Variants in ASMT observed in about 807,000 individuals in gnomAD.
ASMT encodes acetylserotonin N-methyltransferase.
ASMT carries 53 observed loss-of-function variants against 41.3 expected under a neutral mutation model. The ratio of observed to expected loss-of-function variants is 1.28; its 90% confidence interval spans 1.03 to 1.61. The LOEUF is 1.61. Among genes scored for constraint, ASMT ranks in the 40% most tolerant of loss-of-function variants. ASMT has a pLI of 0.00. For missense variants in ASMT, 531 were observed against 441.3 expected (o/e 1.20, Z -1.82); for synonymous variants, 231 against 184.8 (o/e 1.25, Z -2.03).
intron 8 of ASMT, among the ~76,000 whole-genome samples, chrX:1,636,874 C>T (rs1285802810): frequency 6.6e-6 from 1 of 152,228 alleles, no homozygotes; most frequent in African/African-American, 2.4e-5. Flanking sequence ...TTCTGAGGTC[C>T]ACCCATCCTG....
intron 8 of ASMT, 121 bp downstream of exon 8, chrX:1,636,681 A>G: frequency 2.0e-6 from 3 of 1,471,254 alleles, no homozygotes; most frequent in Non-Finnish European, 2.8e-6. Context: ...CCTGCCCAAT[A>G]TGGCTTTCCT....
At chrX:1,625,749 T>C (rs1292146744) in intron 3 of ASMT, among the ~76,000 whole-genome samples, 1 of 150,892 alleles carries the variant, frequency 6.6e-6, no homozygotes, top group African/African-American at 2.4e-5. Flanking sequence ...GGTCAGGAGA[T>C]CGAGACCATC....
intron 8 of ASMT, among the ~76,000 whole-genome samples, chrX:1,638,595 G>A (rs1285560410): frequency 7.9e-4 from 1 of 1,264 alleles, no homozygotes; most frequent in Non-Finnish European, 1.5e-3. Context: ...CTCCTGTGAG[G>A]TCCACCCATC....
At chrX:1,628,725 C>G (rs1264102602) in intron 4 of ASMT, among the ~76,000 whole-genome samples, 1 of 151,032 alleles carries the variant, frequency 6.6e-6, no homozygotes, top group East Asian at 1.9e-4. Flanking sequence ...CCCCTCCTCT[C>G]TCCCATCTTC....
In ASMT at chrX:1,627,701, A is replaced by G. The variant is rs1569376108; in HGVS notation, c.375-2A>G. On this transcript the variant is annotated splice_acceptor_variant, in intron 3 of 8. Transcript: ENST00000381241. LOFTEE classifies it high-confidence loss of function. The stretch of plus-strand genomic sequence containing the variant: ...AAATCAGCCTTCTCTCTCTTTTCTT[A>G]GAGAAGGAAGGAACCAGTACCTGGA... 1.9e-6 allele frequency: 3 copies of G among 1,612,872 alleles called. No individual in the cohort carries two copies. Among genetic ancestry groups the G allele is most frequent in the Non-Finnish European group, 2.5e-6 (3 of 1,178,884 alleles).
intron 3 of ASMT, among the ~76,000 whole-genome samples, chrX:1,626,952 C>A (rs1379531893): frequency 1.3e-5 from 2 of 150,270 alleles, no homozygotes; most frequent in African/African-American, 4.9e-5. Flanking sequence ...TCGCTTGAAC[C>A]GAGGAGGTGG....
Position 1,615,223 on chromosome X carries a change from C to G in ASMT, c.24C>G (p.Ala8=), listed in dbSNP as rs772122784. The G allele has an allele frequency of 3.2e-5, 51 of 1,598,142 alleles. 1 individual carries two copies. In the East Asian group the frequency reaches 5.0e-4, roughly 16 times the overall value. The change falls in exon 1 of 9, where the codon GCC becomes GCG. Residue 8 remains alanine, a synonymous_variant. Transcript: ENST00000381241. ...AGATGGGATCCTCAGAGGACCAGGC[C>G]TATCGCCTCCTTAATGACTACGCCA... The part of the protein sequence containing the change: MGSSEDQ[A]YRLLNDYANG...
chrX:1,637,164 A>G (rs563738086), intron 8 of ASMT, among the ~76,000 whole-genome samples: 2,076 of 59,988 alleles, frequency 0.035, 85 homozygotes, highest in Middle Eastern at 0.11. Context: ...GCCTCTGTGT[A>G]TGATGGGGAC....
At chrX:1,619,908 G>C (rs1287992033) in intron 1 of ASMT, among the ~76,000 whole-genome samples, 3 of 150,856 alleles carry the variant, frequency 2.0e-5, no homozygotes, top group African/African-American at 7.3e-5. Context: ...TGGCTAACAC[G>C]GTGAAACCCC....
At position 1,623,180 on chromosome X, in the gene ASMT, C is replaced by T. The variant is rs746504726; in HGVS notation, c.111C>T (p.Leu37=). 4.3e-6 allele frequency: 7 copies of T among 1,613,054 alleles called. No homozygotes were observed. Among genetic ancestry groups the T allele is most frequent in the Admixed American group, 3.3e-5 (2 of 59,980 alleles). Residue 37 remains leucine (L), a synonymous_variant, in exon 2 of 9, where the codon CTC becomes CTT. Transcript: ENST00000381241. The part of the protein sequence containing the change: ...AACELGVFDL[L]AEAPGPLDVA... ...GCGAGCTGGGCGTGTTTGACCTTCT[C>T]GCCGAGGCCCCAGGGCCCCTGGACG... is the stretch of plus-strand genomic sequence containing the variant.
intron 5 of ASMT, among the ~76,000 whole-genome samples, chrX:1,631,199 C>T (rs6644782): frequency 6.6e-6 from 1 of 151,724 alleles, no homozygotes; most frequent in Admixed American, 6.6e-5. Context: ...CAGGCATGAG[C>T]CACTGCGCCG....
chrX:1,633,302 TC>T lies in ASMT; in HGVS notation c.787+14del, dbSNP rs1330104289. 1 of 1,613,858 alleles carries T rather than the reference TC, an allele frequency of 6.2e-7. No homozygotes were observed. The highest frequency in any genetic ancestry group is 2.2e-5 in the East Asian group (1 of 44,872). ...TGACTTCCAGGAAGGTGTGTTTGTG[TC>T]CGTGGGGAAGCAGAGATGTGTCTCA... On this transcript the variant is annotated intron_variant, in intron 7 of 8. Coordinates refer to ENST00000381241, the MANE Select transcript of ASMT (RefSeq NM_001171038.2).
Position 1,615,192 on chromosome X carries a change from G to C in ASMT, c.-8G>C. The C allele has an allele frequency of 6.3e-7, 1 of 1,588,772 alleles. No individual in the cohort carries two copies. The highest frequency in any genetic ancestry group is 8.6e-7 in the Non-Finnish European group (1 of 1,167,858). On this transcript the variant is annotated 5_prime_UTR_variant, in exon 1 of 9. Coordinates refer to ENST00000381241, the MANE Select transcript of ASMT (RefSeq NM_001171038.2). Reference sequence around the variant, plus strand: ...GGCTCCGGAAGCCACGGCTGGATTGGAGACAAGATGGGATCCTCAGAGGAC... The same window carrying C: ...GGCTCCGGAAGCCACGGCTGGATTGCAGACAAGATGGGATCCTCAGAGGAC...
At chrX:1,627,633 C>CGAAACGAAATGAAAT in intron 3 of ASMT, 70 bp from the exon 4 acceptor site, 1 of 1,198,966 alleles carries the variant, frequency 8.3e-7, no homozygotes, top group Non-Finnish European at 1.2e-6. Context: ...CGAAATGAAA[C>CGAAACGAAATGAAAT]GAAATGAAAT....
At chrX:1,618,070 C>T (rs757756667) in intron 1 of ASMT, among the ~76,000 whole-genome samples, 3 of 152,294 alleles carry the variant, frequency 2.0e-5, no homozygotes, top group East Asian at 1.9e-4. Flanking sequence ...CCTCCGCCTA[C>T]GGGGTTCAAG....
At chrX:1,623,937 C>T (rs1282383496) in intron 2 of ASMT, among the ~76,000 whole-genome samples, 3 of 152,092 alleles carry the variant, frequency 2.0e-5, no homozygotes, top group African/African-American at 4.8e-5. Flanking sequence ...GTGTGAGCCA[C>T]CACGCCCGGC....
chrX:1,619,562 A>ATAATAATAATAG (rs1491249499), intron 1 of ASMT, among the ~76,000 whole-genome samples: 30 of 142,202 alleles, frequency 2.1e-4, no homozygotes, highest in African/African-American at 8.2e-4. Flanking sequence ...AATAATAATA[A>ATAATAATAATAG]TAATAATAAT....
chrX:1,617,017 T>G (rs1265431008), intron 1 of ASMT, among the ~76,000 whole-genome samples: 1 of 151,938 alleles, frequency 6.6e-6, no homozygotes, highest in African/African-American at 2.4e-5. Flanking sequence ...CAAAAATATT[T>G]TAAAAATTAG....
At chrX:1,627,667 A>G in intron 3 of ASMT, 36 bp from the exon 4 acceptor site, 2 of 1,329,476 alleles carry the variant, frequency 1.5e-6, no homozygotes, top group Non-Finnish European at 2.1e-6. Context: ...ATGAAATGAA[A>G]TGAAATGAAA....
Sources: gnomAD v4.1 joint callset for allele counts (sites outside exome capture counted in the v4.1 genomes callset) on GRCh38, gnomAD v4.1.1 for gene constraint, MANE v1.5 for transcripts, NCBI Gene and HGNC (gene_info 2026-07-23, HGNC 2026-07-21) for gene names.